Variants in EML2 observed in about 807,000 individuals in gnomAD.
EML2 encodes echinoderm microtubule-associated protein-like 2.
In EML2, 59 loss-of-function variants were observed where a neutral mutation model predicts 84.7. The ratio of observed to expected loss-of-function variants is 0.70; its 90% confidence interval spans 0.56 to 0.86. The LOEUF (loss-of-function observed/expected upper bound fraction) is 0.86, where lower values mean the gene tolerates loss of function less well. Ranked by LOEUF, EML2 falls within the 40% of genes least tolerant of loss-of-function variation. The pLI, the probability that EML2 is intolerant of heterozygous loss-of-function variation, is 0.00. For missense variants in EML2, 818 were observed against 855.6 expected (o/e 0.96, Z 0.55); for synonymous variants, 352 against 348.9 (o/e 1.01, Z -0.10).
At chr19:45,626,023 C>T (rs978097017) in intron 8 of EML2, among the ~76,000 whole-genome samples, 25 of 151,564 alleles carry the variant, frequency 1.6e-4, no homozygotes, top group African/African-American at 5.1e-4. Flanking sequence ...ATTACAGGTG[C>T]GCACCACCAT....
At chr19:45,637,167 A>C (rs1233409498) in intron 3 of EML2, among the ~76,000 whole-genome samples, 1 of 152,156 alleles carries the variant, frequency 6.6e-6, no homozygotes, top group East Asian at 1.9e-4. Context: ...AGGCCATTTC[A>C]CCAACCACCC....
chr19:45,644,946 A>T, upstream of EML2: 1 of 450,074 alleles, frequency 2.2e-6, no homozygotes, highest in Non-Finnish European at 4.2e-6. Context: ...CAGAAGCTTG[A>T]GGGGAGAGAG....
At chr19:45,621,090 G>A (rs1476633275) in intron 11 of EML2, 117 bp downstream of exon 11, 1 of 1,439,840 alleles carries the variant, frequency 6.9e-7, no homozygotes, top group East Asian at 2.5e-5. Flanking sequence ...CCAGGTCAGA[G>A]AAGGGACAGA....
intron 6 of EML2, among the ~76,000 whole-genome samples, chr19:45,632,304 C>T (rs1490094858): frequency 6.6e-6 from 1 of 151,866 alleles, no homozygotes; most frequent in Non-Finnish European, 1.5e-5. Context: ...TCTCCTGCCT[C>T]AGCCTCCCGA....
At chr19:45,613,463 T>A in intron 18 of EML2, 78 bp downstream of exon 18, 1 of 1,543,426 alleles carries the variant, frequency 6.5e-7, no homozygotes, top group Non-Finnish European at 8.8e-7. Context: ...AGGGGTGGGG[T>A]TGGACCAGAG....
At chr19:45,641,658 A>ACAAAAGGC, upstream of EML2, 1 of 1,536,016 alleles carries the variant, frequency 6.5e-7, no homozygotes, top group Non-Finnish European at 8.7e-7. Context: ...TTTTGGCGCT[A>ACAAAAGGC]CAGTTGCTGC....
chr19:45,642,467 G>T (rs1267075485), upstream of EML2: 2 of 1,443,782 alleles, frequency 1.4e-6, no homozygotes, highest in East Asian at 2.5e-5. Flanking sequence ...TTCCTGTCCC[G>T]CTACCTGGGG....
intron 3 of EML2, 129 bp downstream of exon 3, chr19:45,638,376 A>G: frequency 7.7e-7 from 1 of 1,298,152 alleles, no homozygotes. Flanking sequence ...TTGCCCAGGC[A>G]GGTCTCAAAC....
intron 6 of EML2, among the ~76,000 whole-genome samples, chr19:45,631,603 T>C (rs1217456900): frequency 1.3e-5 from 2 of 151,994 alleles, no homozygotes; most frequent in Non-Finnish European, 2.9e-5. Flanking sequence ...AGATGGGGTT[T>C]CACCATGTTG....
rs1334682800 is a variant in EML2, at chr19:45,609,803, G to T, written c.1825-15C>A. Reference sequence around the variant, plus strand: ...TGGCTGAGGGCCTGTTACAAGGAAAGAAGTAAGTGAAGAAATGTCAGTGGG... The same window carrying T: ...TGGCTGAGGGCCTGTTACAAGGAAATAAGTAAGTGAAGAAATGTCAGTGGG... On this transcript the variant is annotated splice_polypyrimidine_tract_variant and intron_variant, in intron 18 of 18. Transcript: ENST00000245925. 21 of 1,610,022 alleles carry T rather than the reference G, an allele frequency of 1.3e-5. No homozygotes were observed. Among genetic ancestry groups the T allele is most frequent in the Non-Finnish European group, 1.8e-5 (21 of 1,178,252 alleles).
At chr19:45,631,425 C>A (rs75937379) in intron 6 of EML2, among the ~76,000 whole-genome samples, 1 of 140,202 alleles carries the variant, frequency 7.1e-6, no homozygotes, top group South Asian at 2.3e-4. Flanking sequence ...ATCTATCTAT[C>A]TATATATTTT....
At chr19:45,620,602 G>C (rs563366812) in intron 11 of EML2, among the ~76,000 whole-genome samples, 1 of 151,646 alleles carries the variant, frequency 6.6e-6, no homozygotes, top group Non-Finnish European at 1.5e-5. Context: ...CCAGCTACTC[G>C]GGAGGCTGAG....
At chr19:45,643,859 CAGA>C (rs1974822769), upstream of EML2, 2 of 1,135,186 alleles carry the variant, frequency 1.8e-6, no homozygotes, top group East Asian at 2.7e-5. Flanking sequence ...CTCCTGAGGT[CAGA>C]AGGAGTGAGC....
intron 11 of EML2, among the ~76,000 whole-genome samples, chr19:45,619,793 G>A (rs908297496): frequency 3.9e-5 from 6 of 152,168 alleles, no homozygotes; most frequent in Admixed American, 2.0e-4. Context: ...GGTGGCTCAC[G>A]CCGGTAATCC....
At chr19:45,638,718 T>A (rs953194536) in intron 2 of EML2, 84 bp from the exon 3 acceptor site, 25 of 1,586,028 alleles carry the variant, frequency 1.6e-5, no homozygotes, top group Middle Eastern at 3.4e-4. Context: ...TTATTTATTT[T>A]TTTAAAGGCA....
chr19:45,640,927 C>G (rs1047133967), upstream of EML2: 5 of 152,924 alleles, frequency 3.3e-5, no homozygotes, highest in African/African-American at 9.6e-5. Flanking sequence ...CTAACCCTGT[C>G]CCTGAGTTGA....
chr19:45,615,615 A>C (rs528845042), intron 16 of EML2, among the ~76,000 whole-genome samples, 187 bp downstream of exon 16: 61 of 152,000 alleles, frequency 4.0e-4, no homozygotes, highest in African/African-American at 1.4e-3. Flanking sequence ...CGGAAAGGGG[A>C]GGAGTTGACT....
intron 6 of EML2, among the ~76,000 whole-genome samples, chr19:45,630,383 C>A (rs547949328): frequency 6.6e-6 from 1 of 151,258 alleles, no homozygotes; most frequent in African/African-American, 2.4e-5. Context: ...GAAACCCTGT[C>A]TCTACTAAAA....
At chr19:45,623,267 G>A (rs897790183) in intron 9 of EML2, among the ~76,000 whole-genome samples, 78 of 151,968 alleles carry the variant, frequency 5.1e-4, no homozygotes, top group South Asian at 1.2e-3. Flanking sequence ...GCTGAGGCAG[G>A]AGAATGGCGT....
Sources: gnomAD v4.1 joint callset for allele counts (sites outside exome capture counted in the v4.1 genomes callset) on GRCh38, gnomAD v4.1.1 for gene constraint, MANE v1.5 for transcripts, NCBI Gene and HGNC (gene_info 2026-07-23, HGNC 2026-07-21) for gene names.